The following IDO2 variants were observed in gnomAD, a reference collection of about 807,000 sequenced individuals.
IDO2 encodes indoleamine 2,3-dioxygenase-like 1 protein.
In IDO2, 46 loss-of-function variants were observed where a neutral mutation model predicts 45.1. That is an observed-to-expected ratio of 1.02 (90% confidence interval 0.80 to 1.30). The LOEUF is 1.30. IDO2 is among the 50% of genes most tolerant of loss of function. The probability of loss-of-function intolerance (pLI) is 0.00; values close to 1 mark genes in which losing one functional copy is unlikely to be tolerated. For missense variants in IDO2, 544 were observed against 491.8 expected, an observed-to-expected ratio of 1.11 and a Z score of -1.00; for synonymous variants, 218 against 184.9, an observed-to-expected ratio of 1.18 and a Z score of -1.45.
intron 9 of IDO2, 121 bp downstream of exon 9, chr8:40,005,499 A>T: frequency 1.9e-6 from 1 of 517,754 alleles, no homozygotes; most frequent in Non-Finnish European, 3.3e-6. Context: ...CTTGCTAGGG[A>T]TCCACTCTCA....
intron 3 of IDO2, among the ~76,000 whole-genome samples, chr8:39,967,928 A>G (rs527980318): frequency 5.3e-5 from 8 of 152,358 alleles, no homozygotes; most frequent in Non-Finnish European, 8.8e-5. Flanking sequence ...TTTGAAAACT[A>G]GCTTGGCAGA....
At chr8:39,938,778 G>A (rs1246175660) in intron 1 of IDO2, among the ~76,000 whole-genome samples, 3 of 152,158 alleles carry the variant, frequency 2.0e-5, no homozygotes, top group Non-Finnish European at 4.4e-5. Flanking sequence ...ATGGGCAAAA[G>A]ATCTCAACAG....
intron 8 of IDO2, among the ~76,000 whole-genome samples, chr8:39,997,239 C>T (rs546095085): frequency 2.7e-4 from 41 of 152,122 alleles, no homozygotes; most frequent in South Asian, 1.4e-3. Flanking sequence ...AGTGGCATGA[C>T]TCAATATGAA....
At position 39,982,651 on chromosome 8, in the gene IDO2, G is replaced by A. The variant is rs760880656; in HGVS notation, c.316-1G>A. The A allele has an allele frequency of 1.3e-6, 2 of 1,588,384 alleles. No homozygotes were observed. Among genetic ancestry groups the A allele is most frequent in the Non-Finnish European group, 1.7e-6 (2 of 1,160,964 alleles). Reference sequence around the variant, plus strand: ...TATTTGTCTGGATTTATATCTGAAAGGTCCTGCCAAGGAATCTTGCCCTTC... The same window carrying A: ...TATTTGTCTGGATTTATATCTGAAAAGTCCTGCCAAGGAATCTTGCCCTTC... On this transcript the variant is annotated splice_acceptor_variant, in intron 4 of 10. Coordinates refer to ENST00000502986, the Ensembl canonical transcript of IDO2. LOFTEE classifies it high-confidence loss of function.
intron 2 of IDO2, among the ~76,000 whole-genome samples, chr8:39,961,293 G>T (rs1191809467): frequency 7.4e-6 from 1 of 134,960 alleles, no homozygotes. Flanking sequence ...GGTTTTTACT[G>T]TAGTTATGCT....
intron 3 of IDO2, among the ~76,000 whole-genome samples, chr8:39,972,754 C>T (rs1416483598): frequency 6.6e-6 from 1 of 151,934 alleles, no homozygotes; most frequent in East Asian, 1.9e-4. Context: ...CCACCCCAAC[C>T]TTCAGCAACC....
At chr8:39,953,966 T>C (rs1213120092) in intron 2 of IDO2, among the ~76,000 whole-genome samples, 4 of 152,256 alleles carry the variant, frequency 2.6e-5, no homozygotes, top group East Asian at 1.9e-4. Context: ...TTGAGATCGA[T>C]TGCCATCTAA....
intron 3 of IDO2, 112 bp from the exon 4 acceptor site, chr8:39,978,955 C>T (rs535381107): frequency 8.4e-6 from 8 of 954,030 alleles, no homozygotes; most frequent in Admixed American, 4.3e-5. Flanking sequence ...TAAAATATAA[C>T]CCATTGCCTT....
chr8:40,005,913 C>T (rs1802213738), intron 9 of IDO2, among the ~76,000 whole-genome samples: 1 of 152,172 alleles, frequency 6.6e-6, no homozygotes, highest in South Asian at 2.1e-4. Context: ...AGAAGACAAT[C>T]CCCTGAGTGG....
At chr8:39,970,955 C>A (rs764908608) in intron 3 of IDO2, among the ~76,000 whole-genome samples, 1 of 151,678 alleles carries the variant, frequency 6.6e-6, no homozygotes, top group Non-Finnish European at 1.5e-5. Flanking sequence ...TTAGTAGAGA[C>A]GGGGTTTCAC....
Position 39,967,199 on chromosome 8 carries a change from G to A in IDO2, c.195+3496G>A, listed in dbSNP as rs188339987. ...ATATATAAAAAAGAGAAATACAGGTGATCCAAATTCCTTTTAATGGAATCC... is the reference window on the plus strand; with the variant it reads ...ATATATAAAAAAGAGAAATACAGGTAATCCAAATTCCTTTTAATGGAATCC... On this transcript the variant is annotated intron_variant, in intron 3 of 10. Transcript: ENST00000502986. 2.7e-4 allele frequency among the ~76,000 whole-genome samples: 41 copies of A among 152,214 alleles called. No homozygotes were observed. In the East Asian group the frequency reaches 7.9e-3, roughly 29 times the overall value.
intron 2 of IDO2, among the ~76,000 whole-genome samples, chr8:39,949,522 C>A (rs1807784152): frequency 6.6e-6 from 1 of 151,944 alleles, no homozygotes; most frequent in East Asian, 1.9e-4. Flanking sequence ...AAATTATAAG[C>A]AAACCTGTAG....
At chr8:39,999,942 G>C (rs1802109135) in intron 8 of IDO2, among the ~76,000 whole-genome samples, 1 of 152,182 alleles carries the variant, frequency 6.6e-6, no homozygotes, top group Non-Finnish European at 1.5e-5. Flanking sequence ...TCAGGAATGG[G>C]AGGAAAGCAT....
At chr8:39,981,901 T>C (rs975976321) in intron 4 of IDO2, among the ~76,000 whole-genome samples, 5 of 152,160 alleles carry the variant, frequency 3.3e-5, no homozygotes, top group Non-Finnish European at 7.3e-5. Context: ...TAAAGAGCCG[T>C]GGAGGGTTCC....
chr8:39,935,088 G>T, exon 1 of IDO2: 2 of 955,764 alleles, frequency 2.1e-6, no homozygotes, highest in South Asian at 1.3e-5. Context: ...GATTAGATTT[G>T]ACATTAGAAA....
chr8:39,963,822 T>G (rs762681506), intron 3 of IDO2, 119 bp downstream of exon 3: 5 of 597,018 alleles, frequency 8.4e-6, no homozygotes, highest in Non-Finnish European at 1.5e-5. Flanking sequence ...ATTGAACTTA[T>G]CAGCAAAGCT....
Position 39,946,224 on chromosome 8 carries a change from A to C in IDO2, c.-17-2925A>C, listed in dbSNP as rs1340129525. On this transcript the variant is annotated intron_variant, in intron 1 of 10. Coordinates refer to ENST00000502986, the Ensembl canonical transcript of IDO2. ...GCCCCCACCCAGGAACTGACTCAGC[A>C]CAAGAAGAGAGCTTTGACTCTCTAT... is the stretch of plus-strand genomic sequence containing the variant. Among the ~76,000 whole-genome samples, 3 of 152,190 alleles carry C rather than the reference A, an allele frequency of 2.0e-5. No homozygotes were observed. The East Asian group carries it at 5.8e-4, about 29-fold the overall frequency.
At chr8:39,992,523 G>T (rs900286077) in intron 8 of IDO2, among the ~76,000 whole-genome samples, 3 of 152,166 alleles carry the variant, frequency 2.0e-5, no homozygotes, top group Admixed American at 2.0e-4. Context: ...ACAGAATATA[G>T]TGGTTTTTTC....
At chr8:39,981,714 AAAAATTC>A (rs1291209720) in intron 4 of IDO2, among the ~76,000 whole-genome samples, 1 of 152,216 alleles carries the variant, frequency 6.6e-6, no homozygotes, top group African/African-American at 2.4e-5. Flanking sequence ...CCACCCGAGA[AAAAATTC>A]AAGGGAAAAA....
Sources: gnomAD v4.1 joint callset for allele counts (sites outside exome capture counted in the v4.1 genomes callset) on GRCh38, gnomAD v4.1.1 for gene constraint, MANE v1.5 for transcripts, NCBI Gene and HGNC (gene_info 2026-07-23, HGNC 2026-07-21) for gene names.